AHR: variants seen among roughly 807,000 people sequenced by gnomAD.
The protein encoded by AHR is aryl hydrocarbon receptor, also known as AH-receptor.
In AHR, 40 loss-of-function variants were observed where a neutral mutation model predicts 86.8. The observed-to-expected ratio is 0.46, with a 90% confidence interval of 0.36 to 0.60. The LOEUF is 0.60. AHR is among the 20% of genes least tolerant of loss of function. The pLI, the probability that AHR is intolerant of heterozygous loss-of-function variation, is 0.00. For missense variants in AHR, 1,001 were observed against 1,011.6 expected (o/e 0.99, Z 0.14); for synonymous variants, 398 against 354.9 (o/e 1.12, Z -1.37).
At chr7:17,333,877 T>C in intron 6 of AHR, 35 bp from the exon 7 acceptor site, 1 of 1,569,590 alleles carries the variant, frequency 6.4e-7, no homozygotes, top group Non-Finnish European at 8.8e-7. Context: ...ATTGTTAATT[T>C]TAATGAACTT....
chr7:17,306,581 C>G (rs1385539266), intron 1 of AHR, among the ~76,000 whole-genome samples: 4 of 152,046 alleles, frequency 2.6e-5, no homozygotes, highest in African/African-American at 9.7e-5. Context: ...GTGTCTATGC[C>G]TCTTCCATAG....
At chr7:17,335,278 T>C (rs10272066) in intron 8 of AHR, among the ~76,000 whole-genome samples, 32,465 of 151,984 alleles carry the variant, frequency 0.21, 3,787 homozygotes, top group East Asian at 0.4. Flanking sequence ...TTCATAAATC[T>C]ATGTTAATAT....
chr7:17,313,676 G>A (rs924268322), intron 2 of AHR, among the ~76,000 whole-genome samples: 12 of 151,970 alleles, frequency 7.9e-5, no homozygotes, highest in Non-Finnish European at 1.6e-4. Flanking sequence ...TAAAATACTT[G>A]AACAAGGCTT....
Position 17,314,977 on chromosome 7 carries a change from A to G in AHR, c.253+4854A>G, listed in dbSNP as rs148327057. Among the ~76,000 whole-genome samples, 424 of 152,162 alleles carry G rather than the reference A, an allele frequency of 2.8e-3. 7 individuals are homozygous for G. Among genetic ancestry groups the G allele is most frequent in the East Asian group, 3.3e-3 (17 of 5,186 alleles). On this transcript the variant is annotated intron_variant, in intron 2 of 10. Transcript: ENST00000242057. Reference sequence around the variant, plus strand: ...TTGTTGAATTTGATTTACCCATGGCATTATCCATCTTAAATGGTGATTTAA... The same window carrying G: ...TTGTTGAATTTGATTTACCCATGGCGTTATCCATCTTAAATGGTGATTTAA...
intron 1 of AHR, among the ~76,000 whole-genome samples, chr7:17,308,758 T>A (rs1357184052): frequency 6.6e-6 from 1 of 152,110 alleles, no homozygotes; most frequent in Non-Finnish European, 1.5e-5. Context: ...TTACCTTTTT[T>A]GTAGAAGTAT....
intron 1 of AHR, among the ~76,000 whole-genome samples, chr7:17,308,608 A>G (rs1782029438): frequency 6.6e-6 from 1 of 152,024 alleles, no homozygotes. Context: ...CAATATGATT[A>G]GGGGAAAATA....
chr7:17,311,270 T>G (rs900213437), intron 2 of AHR, among the ~76,000 whole-genome samples: 5 of 152,216 alleles, frequency 3.3e-5, no homozygotes, highest in African/African-American at 4.8e-5. Flanking sequence ...CAGTCAATGC[T>G]TCTCATACAT....
chr7:17,325,732 G>A (rs1015651676), intron 3 of AHR, among the ~76,000 whole-genome samples: 6 of 152,148 alleles, frequency 3.9e-5, no homozygotes, highest in Admixed American at 3.3e-4. Context: ...TTATAAGTGA[G>A]AGCTAAATGA....
In AHR at chr7:17,330,065, A is replaced by G. The variant is rs751144153; in HGVS notation, c.564A>G (p.Gln188=). The G allele has an allele frequency of 3.4e-5, 54 of 1,606,936 alleles. No individual in the cohort carries two copies. Among genetic ancestry groups the G allele is most frequent in the Non-Finnish European group, 4.3e-5 (51 of 1,176,832 alleles). Residue 188 remains glutamine, a synonymous_variant, in exon 5 of 11, where the codon CAA becomes CAG. Transcript: ENST00000242057. The part of the protein sequence containing the change: ...LNPSQCTESG[Q]GIEEATGLPQ... The stretch of plus-strand genomic sequence containing the variant: ...CTTCTCAGTGTACAGAGTCTGGACA[A>G]GGAATTGAAGGTAAGAATTGATGGT...
chr7:17,318,802 G>A (rs934199271), intron 2 of AHR, among the ~76,000 whole-genome samples: 2 of 152,126 alleles, frequency 1.3e-5, no homozygotes, highest in Admixed American at 6.6e-5. Flanking sequence ...ATGAACAGCC[G>A]ATTAATGTGT....
intron 10 of AHR, among the ~76,000 whole-genome samples, chr7:17,342,465 A>G (rs1782436326): frequency 1.3e-5 from 2 of 152,182 alleles, no homozygotes; most frequent in Non-Finnish European, 2.9e-5. Flanking sequence ...CATTTAGAAA[A>G]TCAGAAGCTG....
chr7:17,316,269 C>T (rs1158625124), intron 2 of AHR, among the ~76,000 whole-genome samples: 1 of 152,140 alleles, frequency 6.6e-6, no homozygotes, highest in Non-Finnish European at 1.5e-5. Context: ...ATTTCTGTTC[C>T]TTGTTTGTCC....
At chr7:17,330,727 T>C (rs1285749716) in intron 5 of AHR, 29 bp from the exon 6 acceptor site, 13 of 1,525,944 alleles carry the variant, frequency 8.5e-6, no homozygotes, top group Non-Finnish European at 1.1e-5. Flanking sequence ...AAATGGAAAG[T>C]AAATTTTGTT....
chr7:17,313,689 C>T (rs1416905490), intron 2 of AHR, among the ~76,000 whole-genome samples: 1 of 151,994 alleles, frequency 6.6e-6, no homozygotes, highest in Admixed American at 6.6e-5. Flanking sequence ...CAAGGCTTAG[C>T]AATTTTTCAG....
chr7:17,305,824 A>G (rs992639030), intron 1 of AHR, among the ~76,000 whole-genome samples: 18 of 152,172 alleles, frequency 1.2e-4, no homozygotes, highest in Non-Finnish European at 2.2e-4. Flanking sequence ...CTGGCTACAA[A>G]TGATGAACCT....
At position 17,345,463 on chromosome 7, in the gene AHR, T is replaced by C. The variant is rs924830702; in HGVS notation, c.*2399T>C. 1.3e-5 allele frequency: 2 copies of C among 152,522 alleles called. No individual in the cohort carries two copies. The highest frequency in any genetic ancestry group is 4.1e-4 in the South Asian group (2 of 4,828). The allele number at this position is 152,522 out of a possible 1,614,324, so 9.4% of individuals were successfully genotyped here. A position where few individuals can be genotyped will look rare whatever the true frequency, so the allele number is the denominator to read the frequency against. ...AATCAATTTAAGTGTTGGAAAAAAT[T>C]TGTCTGAAACATTTCATAATTTGTT... On this transcript the variant is annotated 3_prime_UTR_variant, in exon 11 of 11. Transcript: ENST00000242057.
chr7:17,332,161 G>A (rs1256871746), intron 6 of AHR, among the ~76,000 whole-genome samples: 1 of 151,826 alleles, frequency 6.6e-6, no homozygotes, highest in African/African-American at 2.4e-5. Flanking sequence ...GCTGATGGAA[G>A]CAAACCTGTG....
chr7:17,300,082 CT>C (rs1343922320), intron 1 of AHR, among the ~76,000 whole-genome samples: 2 of 152,172 alleles, frequency 1.3e-5, no homozygotes, highest in Non-Finnish European at 2.9e-5. Flanking sequence ...GGTTTTCATT[CT>C]TAACATCTAC....
chr7:17,334,955 A>G lies in AHR; in HGVS notation c.977A>G (p.His326Arg), dbSNP rs780863050. The change falls in exon 8 of 11, where the codon CAT becomes CGT. Residue 326 changes from histidine (H) to arginine (R), a missense_variant. By Grantham distance (29) the His-to-Arg change is conservative (BLOSUM62 0). Transcript: ENST00000242057. ...CTRGSGYQFI[H>R]AADMLYCAES... ...AGAGGCTCAGGTTATCAGTTTATTCATGCAGCTGATATGCTTTATTGTGCC... is the reference window on the plus strand; with the variant it reads ...AGAGGCTCAGGTTATCAGTTTATTCGTGCAGCTGATATGCTTTATTGTGCC... The G allele has an allele frequency of 6.2e-7, 1 of 1,613,378 alleles. No individual in the cohort carries two copies. Among genetic ancestry groups the G allele is most frequent in the Non-Finnish European group, 8.5e-7 (1 of 1,179,456 alleles).
Sources: gnomAD v4.1 joint callset for allele counts (sites outside exome capture counted in the v4.1 genomes callset) on GRCh38, gnomAD v4.1.1 for gene constraint, MANE v1.5 for transcripts, NCBI Gene and HGNC (gene_info 2026-07-23, HGNC 2026-07-21) for gene names.